GAREM1: variants seen among roughly 807,000 people sequenced by gnomAD.
GAREM1 encodes GRB2 associated regulator of MAPK1 subtype 1, also known as GRB2-associated and regulator of MAPK protein 1.
A neutral mutation model predicts 71.3 loss-of-function variants in GAREM1; 26 were observed. The ratio of observed to expected loss-of-function variants is 0.36; its 90% CI spans 0.27 to 0.51. The LOEUF (loss-of-function observed/expected upper bound fraction) is 0.51. Among genes scored for constraint, GAREM1 ranks in the 20% least tolerant of loss-of-function variants. The pLI is 0.95. For synonymous variants in GAREM1, 440 were observed against 433.2 expected (o/e 1.02, Z -0.20); for missense variants, 1,026 against 1,103.1 (o/e 0.93, Z 0.99).
chr18:32,305,910 G>A (rs1051187411), intron 3 of GAREM1, among the ~76,000 whole-genome samples: 5 of 152,102 alleles, frequency 3.3e-5, no homozygotes, highest in African/African-American at 1.2e-4. Context: ...TATACTCACT[G>A]GGAGAACCTC....
chr18:32,375,653 C>A (rs560024733), intron 2 of GAREM1, among the ~76,000 whole-genome samples: 1 of 152,280 alleles, frequency 6.6e-6, no homozygotes, highest in South Asian at 2.1e-4. Context: ...AAGTGGAAAT[C>A]ATTTGATTAA....
At chr18:32,291,130 C>T (rs2047079465) in intron 3 of GAREM1, among the ~76,000 whole-genome samples, 1 of 152,040 alleles carries the variant, frequency 6.6e-6, no homozygotes, top group African/African-American at 2.4e-5. Flanking sequence ...ACGGTACACA[C>T]ACTTCCTGGT....
chr18:32,466,735 G>A (rs1447398388), intron 1 of GAREM1, among the ~76,000 whole-genome samples: 1 of 152,094 alleles, frequency 6.6e-6, no homozygotes, highest in East Asian at 1.9e-4. Context: ...CACATTTGCT[G>A]AACCCAGTTC....
intron 3 of GAREM1, among the ~76,000 whole-genome samples, chr18:32,304,813 A>G (rs1166016398): frequency 1.3e-5 from 2 of 152,170 alleles, no homozygotes; most frequent in Non-Finnish European, 2.9e-5. Context: ...TCAGAGCCTG[A>G]GCCACTCTAC....
In GAREM1 at chr18:32,278,208, G is replaced by A. The variant is rs147016923; in HGVS notation, c.1567-7825C>T. 7.3e-4 allele frequency among the ~76,000 whole-genome samples: 111 copies of A among 152,280 alleles called. 2 individuals carry two copies. The East Asian group carries it at 0.02, about 28-fold the overall frequency. On this transcript the variant is annotated intron_variant, in intron 4 of 5. Transcript: ENST00000269209. Reference sequence around the variant, plus strand: ...TTTTGGGAAAAAAATCAATTTCAGAGCAGTGGTGGGTGCTCAACTCTTACA... The same window carrying A: ...TTTTGGGAAAAAAATCAATTTCAGAACAGTGGTGGGTGCTCAACTCTTACA...
At chr18:32,464,766 C>T (rs1048927131) in intron 1 of GAREM1, among the ~76,000 whole-genome samples, 1 of 130,276 alleles carries the variant, frequency 7.7e-6, no homozygotes, top group East Asian at 2.1e-4. Context: ...CTCAACTGAT[C>T]CGTATCTACT....
In GAREM1 at chr18:32,265,688, A is replaced by G. The variant is rs1567938660; in HGVS notation, c.*2183T>C. ...AAGAATTTAAAACCCTATTTTGTGT[A>G]AAGTTTTTACAAAAAGAAAAAAAAC... On this transcript the variant is annotated 3_prime_UTR_variant, in exon 6 of 6. Transcript: ENST00000269209. The G allele has an allele frequency of 6.6e-6, 1 of 150,892 alleles. No homozygotes were observed. The allele number at this position is 150,892 out of a possible 1,614,324, so 9.3% of individuals were successfully genotyped here.
intron 2 of GAREM1, among the ~76,000 whole-genome samples, chr18:32,359,324 G>A (rs2047838211): frequency 6.6e-6 from 1 of 152,058 alleles, no homozygotes; most frequent in Non-Finnish European, 1.5e-5. Context: ...TGAATGACTT[G>A]TATATCTTAT....
intron 3 of GAREM1, among the ~76,000 whole-genome samples, chr18:32,292,676 C>T (rs904428818): frequency 1.3e-5 from 2 of 152,172 alleles, no homozygotes; most frequent in African/African-American, 4.8e-5. Context: ...TCTCTCCTGT[C>T]GCCCTGTGAA....
chr18:32,396,374 T>G (rs941376528), intron 1 of GAREM1, among the ~76,000 whole-genome samples: 2 of 152,138 alleles, frequency 1.3e-5, no homozygotes, highest in Admixed American at 1.3e-4. Flanking sequence ...AAGGAGGAAG[T>G]TCGAACCCAT....
chr18:32,370,345 T>C (rs2047966010), intron 2 of GAREM1, among the ~76,000 whole-genome samples: 1 of 151,430 alleles, frequency 6.6e-6, no homozygotes, highest in Non-Finnish European at 1.5e-5. Flanking sequence ...GGAGAATCAC[T>C]TGAACCCAGG....
intron 1 of GAREM1, among the ~76,000 whole-genome samples, chr18:32,400,370 A>C (rs975157580): frequency 3.3e-5 from 5 of 152,218 alleles, no homozygotes; most frequent in African/African-American, 4.8e-5. Flanking sequence ...AGAAACTACC[A>C]TCAGAGTGAA....
intron 2 of GAREM1, among the ~76,000 whole-genome samples, chr18:32,314,090 G>GT (rs59416892): frequency 0.071 from 10,064 of 141,728 alleles, 319 homozygotes; most frequent in Non-Finnish European, 0.078. Flanking sequence ...GACAAAAAAA[G>GT]TTTTTTTTTT....
intron 2 of GAREM1, 148 bp from the exon 3 acceptor site, chr18:32,310,471 G>A: frequency 3.1e-6 from 2 of 647,336 alleles, no homozygotes; most frequent in Non-Finnish European, 5.0e-6. Flanking sequence ...CATTATGGGA[G>A]GTTCCATTAA....
intron 2 of GAREM1, among the ~76,000 whole-genome samples, chr18:32,360,292 G>A (rs890857643): frequency 6.6e-6 from 1 of 151,454 alleles, no homozygotes; most frequent in Non-Finnish European, 1.5e-5. Flanking sequence ...CTTTTTTTCT[G>A]GTTCCTATAT....
intron 3 of GAREM1, among the ~76,000 whole-genome samples, chr18:32,294,717 GTGTCT>G (rs1355257824): frequency 2.0e-5 from 3 of 152,098 alleles, no homozygotes; most frequent in African/African-American, 2.4e-5. Context: ...TGCATGTCCA[GTGTCT>G]TACTGTAAGG....
chr18:32,381,004 T>C (rs989237819), intron 2 of GAREM1, among the ~76,000 whole-genome samples: 3 of 151,832 alleles, frequency 2.0e-5, no homozygotes, highest in Non-Finnish European at 4.4e-5. Flanking sequence ...GATTTTTATA[T>C]ATAGAACAAA....
At position 32,364,022 on chromosome 18, in the gene GAREM1, A is replaced by ATTTTT. The variant is rs1236005063; in HGVS notation, c.262+28872_262+28873insAAAAA. 3.8e-5 allele frequency among the ~76,000 whole-genome samples: 2 copies of ATTTTT among 52,104 alleles called. 1 individual carries two copies. Among genetic ancestry groups the ATTTTT allele is most frequent in the African/African-American group, 2.9e-4 (2 of 6,870 alleles). The allele number at this position is 52,104 out of a possible 152,430, so 34.2% of individuals were successfully genotyped here. A position where few individuals can be genotyped will look rare whatever the true frequency, so the allele number is the denominator to read the frequency against. On this transcript the variant is annotated intron_variant, in intron 2 of 5. Coordinates refer to ENST00000269209, the MANE Select transcript of GAREM1 (RefSeq NM_001242409.2). ...TATATATATATATATATATATATAT[A>ATTTTT]TATATGTTTTTTTTTTTTTTTTTTT...
chr18:32,358,246 G>A (rs7242846), intron 2 of GAREM1, among the ~76,000 whole-genome samples: 7,483 of 151,690 alleles, frequency 0.049, 602 homozygotes, highest in African/African-American at 0.17. Context: ...TCTCACAGGT[G>A]GGACTCCCAG....
Sources: allele counts gnomAD v4.1 joint callset (sites outside exome capture counted in the v4.1 genomes callset), GRCh38; gene constraint gnomAD v4.1.1; transcripts MANE v1.5; gene names NCBI Gene and HGNC (gene_info 2026-07-23, HGNC 2026-07-21).